Variants in RBM4 observed in about 807,000 individuals in gnomAD.
RBM4 encodes RNA binding motif protein 4.
In RBM4, 7 loss-of-function variants were observed where a neutral mutation model predicts 29.5. The observed-to-expected ratio is 0.24, with a 90% confidence interval of 0.14 to 0.45. The LOEUF (loss-of-function observed/expected upper bound fraction) is 0.45, where lower values mean the gene tolerates loss of function less well. Ranked by LOEUF, RBM4 falls within the 20% of genes least tolerant of loss-of-function variation. The pLI is 1.00. For synonymous variants in RBM4, 220 were observed against 205.4 expected (o/e 1.07, Z -0.61); for missense variants, 387 against 502.3 (o/e 0.77, Z 2.19).
intron 3 of RBM4, 34 bp from the exon 4 acceptor site, chr11:66,645,993 T>C: frequency 6.5e-7 from 1 of 1,536,100 alleles, no homozygotes; most frequent in Non-Finnish European, 8.7e-7. Context: ...TTTTGAGCTT[T>C]GCTGTAAAGC....
exon 3 of RBM4, chr11:66,665,987 C>A: frequency 6.7e-7 from 1 of 1,483,046 alleles, no homozygotes. Context: ...TGGCGAATTG[C>A]ACTATTCTAA....
intron 1 of RBM4, chr11:66,639,352 G>T (rs970304574): frequency 8.4e-6 from 2 of 237,702 alleles, no homozygotes; most frequent in Non-Finnish European, 1.6e-5. Flanking sequence ...AAGCCTAGTA[G>T]ACTTTTGTTT....
chr11:66,650,717 G>T (rs1379002583), downstream of RBM4, among the ~76,000 whole-genome samples: 1 of 151,558 alleles, frequency 6.6e-6, no homozygotes. Flanking sequence ...TAAAAAGTTA[G>T]CCGGGCGTGG....
downstream of RBM4, among the ~76,000 whole-genome samples, chr11:66,648,252 ACT>A (rs1333435263): frequency 2.6e-5 from 4 of 151,342 alleles, no homozygotes; most frequent in Non-Finnish European, 5.9e-5. Context: ...AGGTGCAGTG[ACT>A]CAACGCCAGT....
intron 2 of RBM4, 54 bp downstream of exon 2, chr11:66,640,177 G>C (rs1938375583): frequency 6.2e-7 from 1 of 1,606,098 alleles, no homozygotes; most frequent in South Asian, 1.1e-5. Context: ...TGCAGAAAAT[G>C]GTTGGATAAG....
chr11:66,665,562 G>A, intron 2 of RBM4: 1 of 1,534,214 alleles, frequency 6.5e-7, no homozygotes, highest in Non-Finnish European at 8.7e-7. Flanking sequence ...CGAGGGTTCA[G>A]TCCGCAATTA....
At chr11:66,651,411 T>A (rs1189002), downstream of RBM4, among the ~76,000 whole-genome samples, 1 of 151,476 alleles carries the variant, frequency 6.6e-6, no homozygotes, top group Non-Finnish European at 1.5e-5. Flanking sequence ...GCAGTGGCAC[T>A]ATCTCGGCTC....
chr11:66,639,787 G>C lies in RBM4; in HGVS notation c.76G>C (p.Gly26Arg). 1.2e-6 allele frequency: 2 copies of C among 1,614,144 alleles called. No individual in the cohort carries two copies. The highest frequency in any genetic ancestry group is 1.7e-6 in the Non-Finnish European group (2 of 1,180,016). Residue 26 changes from glycine (G) to arginine (R), a missense_variant, in exon 2 of 4, where the codon GGG (glycine) becomes CGG (arginine). Coordinates refer to ENST00000310092, the MANE Select transcript of RBM4 (RefSeq NM_002896.4). ...QEIRSLFEQY[G>R]KVLECDIIKN... ...GATTCGCTCACTCTTCGAGCAGTAT[G>C]GGAAGGTGCTGGAATGTGACATCAT...
At chr11:66,660,233 C>T (rs1214110484) in intron 2 of RBM4, among the ~76,000 whole-genome samples, 1 of 151,600 alleles carries the variant, frequency 6.6e-6, no homozygotes, top group Non-Finnish European at 1.5e-5. Flanking sequence ...TTGGAATGCC[C>T]TCCCAAACCA....
chr11:66,643,921 C>G lies in RBM4; in HGVS notation c.884C>G (p.Ala295Gly). Residue 295 changes from alanine (A) to glycine (G), a missense_variant, in exon 3 of 4, where the codon GCT becomes GGT. Around this residue, in one of 2 missense-constraint regions of RBM4, gnomAD observed 281 missense variants for 288.7 expected, o/e 0.97. Coordinates refer to ENST00000310092, the MANE Select transcript of RBM4 (RefSeq NM_002896.4). The surrounding 1 kb of genome is among the most constrained non-coding windows in gnomAD (Gnocchi z 6.1). Reference sequence around the variant, plus strand: ...GCTGCTGCAGCAGCAGCCGCTGCTGCTGTTACTGCAGCTTCCACTTCATAT... The same window carrying G: ...GCTGCTGCAGCAGCAGCCGCTGCTGGTGTTACTGCAGCTTCCACTTCATAT... ...TAAAAAAAAA[A>G]VTAASTSYYG... is the part of the protein sequence containing the mutation. The G allele has an allele frequency of 6.2e-7, 1 of 1,613,420 alleles. No individual in the cohort carries two copies. The highest frequency in any genetic ancestry group is 1.1e-5 in the South Asian group (1 of 91,080).
At chr11:66,639,580 T>A in intron 1 of RBM4, 120 bp from the exon 2 acceptor site, 1 of 1,197,534 alleles carries the variant, frequency 8.4e-7, no homozygotes, top group Non-Finnish European at 1.2e-6. Flanking sequence ...TGTGTGGAGG[T>A]GTGTGTGCAG....
At chr11:66,654,500 A>G (rs555571285) in intron 2 of RBM4, among the ~76,000 whole-genome samples, 2 of 151,924 alleles carry the variant, frequency 1.3e-5, no homozygotes, top group East Asian at 3.9e-4. Context: ...CATCTCAAAA[A>G]AAAAATTTTT....
At chr11:66,641,579 T>C (rs1938466219) in intron 2 of RBM4, among the ~76,000 whole-genome samples, 1 of 152,064 alleles carries the variant, frequency 6.6e-6, no homozygotes, top group East Asian at 1.9e-4. Flanking sequence ...TCAGAAGAGG[T>C]GGTGTCTGCT....
At chr11:66,658,119 C>G (rs1938989148) in intron 2 of RBM4, among the ~76,000 whole-genome samples, 1 of 151,904 alleles carries the variant, frequency 6.6e-6, no homozygotes, top group Non-Finnish European at 1.5e-5. Flanking sequence ...ACCTCTGCCT[C>G]CTGGATTCAA....
intron 2 of RBM4, among the ~76,000 whole-genome samples, chr11:66,663,691 T>C (rs533364848): frequency 7.4e-6 from 1 of 134,616 alleles, no homozygotes; most frequent in African/African-American, 2.6e-5. Flanking sequence ...TAGGCAAAAA[T>C]GTGTGTGTAT....
intron 2 of RBM4, among the ~76,000 whole-genome samples, chr11:66,655,020 T>A (rs533395094): frequency 1.3e-5 from 2 of 151,426 alleles, no homozygotes; most frequent in South Asian, 4.2e-4. Context: ...AGTTTTGCTC[T>A]TGTTGCCCAG....
chr11:66,647,124 C>T (rs932349498), downstream of RBM4, among the ~76,000 whole-genome samples: 2 of 152,202 alleles, frequency 1.3e-5, no homozygotes, highest in African/African-American at 2.4e-5. Context: ...CTCAGCCTCA[C>T]GTTTTTCTTG....
chr11:66,643,546 A>G lies in RBM4; in HGVS notation c.509A>G (p.His170Arg). ...SGCYRCGKEG[H>R]WSKECPIDRS... ...TGCTATCGGTGCGGGAAAGAGGGGC[A>G]CTGGTCCAAAGAGTGTCCGATAGAT... Residue 170 changes from histidine (H) to arginine (R), a missense_variant, in exon 3 of 4, where the codon CAC becomes CGC. Coordinates refer to ENST00000310092, the MANE Select transcript of RBM4 (RefSeq NM_002896.4). This position sits in a 1 kb window ranked among gnomAD's most constrained non-coding sequence, Gnocchi z 6.1. The G allele has an allele frequency of 1.2e-6, 2 of 1,614,118 alleles. No homozygotes were observed. Among genetic ancestry groups the G allele is most frequent in the Non-Finnish European group, 1.7e-6 (2 of 1,180,024 alleles).
downstream of RBM4, among the ~76,000 whole-genome samples, chr11:66,649,381 A>G (rs916430913): frequency 6.6e-6 from 1 of 152,180 alleles, no homozygotes; most frequent in Non-Finnish European, 1.5e-5. Context: ...TCCCATTTCT[A>G]AGACAATTTT....
Sources: allele counts gnomAD v4.1 joint callset (sites outside exome capture counted in the v4.1 genomes callset), GRCh38; gene constraint gnomAD v4.1.1; regional missense constraint gnomAD v4.1.1; non-coding constraint Gnocchi (gnomAD v3.1); transcripts MANE v1.5; gene names NCBI Gene and HGNC (gene_info 2026-07-23, HGNC 2026-07-21).